CYP19A1: variants seen among roughly 807,000 people sequenced by gnomAD.
The protein encoded by CYP19A1 is cytochrome P450 family 19 subfamily A member 1, also known as aromatase.
In CYP19A1, 32 loss-of-function variants were observed where a neutral mutation model predicts 44.4. That is an observed-to-expected ratio of 0.72 (90% CI 0.54 to 0.97). The LOEUF (loss-of-function observed/expected upper bound fraction) is 0.97. Ranked by LOEUF, CYP19A1 falls within the 50% of genes least tolerant of loss-of-function variation. CYP19A1 has a pLI of 0.00. For missense variants in CYP19A1, 598 were observed against 637.8 expected (o/e 0.94, Z 0.67); for synonymous variants, 212 against 215.6 (o/e 0.98, Z 0.14).
At chr15:51,261,675 C>A (rs906886265) in intron 1 of CYP19A1, among the ~76,000 whole-genome samples, 2 of 152,158 alleles carry the variant, frequency 1.3e-5, no homozygotes, top group Admixed American at 6.5e-5. Context: ...TTGACAAGTG[C>A]TGTGGGGGTA....
intron 1 of CYP19A1, among the ~76,000 whole-genome samples, chr15:51,266,513 CCTT>C (rs2034924553): frequency 1.3e-5 from 2 of 152,366 alleles, no homozygotes; most frequent in East Asian, 1.9e-4. Context: ...TTCTGCCAGT[CCTT>C]CTTCAAACCT....
At chr15:51,248,932 T>C (rs1363894498) in intron 1 of CYP19A1, among the ~76,000 whole-genome samples, 1 of 150,132 alleles carries the variant, frequency 6.7e-6, no homozygotes, top group Non-Finnish European at 1.5e-5. Flanking sequence ...TTCAAATTCA[T>C]CTTTTTTTTT....
At chr15:51,326,489 T>C (rs2036610249) in intron 1 of CYP19A1, among the ~76,000 whole-genome samples, 1 of 152,216 alleles carries the variant, frequency 6.6e-6, no homozygotes, top group Non-Finnish European at 1.5e-5. Flanking sequence ...TGGCTCAACT[T>C]TAAGCATTAT....
chr15:51,306,668 C>T (rs966933613), intron 1 of CYP19A1, among the ~76,000 whole-genome samples: 5 of 152,100 alleles, frequency 3.3e-5, no homozygotes, highest in Non-Finnish European at 7.3e-5. Context: ...TATTAAGTAC[C>T]TATTCTGTGA....
chr15:51,227,837 G>A lies in CYP19A1; in HGVS notation c.393C>T (p.Gly131=). 1 of 1,531,260 alleles carries A rather than the reference G, an allele frequency of 6.5e-7. No individual in the cohort carries two copies. The highest frequency in any genetic ancestry group is 9.1e-7 in the Non-Finnish European group (1 of 1,104,508). 94.9% of individuals were successfully genotyped at this position (1,531,260 alleles called of 1,614,324 possible). A position where few individuals can be genotyped will look rare whatever the true frequency, so the allele number is the denominator to read the frequency against. The change falls in exon 4 of 10, where the codon GGC becomes GGT. Residue 131 remains glycine (G), a synonymous_variant. Coordinates refer to ENST00000396402, the MANE Select transcript of CYP19A1 (RefSeq NM_000103.4). The part of the protein sequence containing the change: ...GLQCIGMHEK[G]IIFNNNPELW... ...GCTCTGGATTGTTGTTAAATATGAT[G>A]CCTTTCTCATGCATACCGATGCACT...
chr15:51,248,622 T>G (rs1367938047), intron 1 of CYP19A1, among the ~76,000 whole-genome samples: 2 of 152,212 alleles, frequency 1.3e-5, no homozygotes, highest in Non-Finnish European at 2.9e-5. Flanking sequence ...CCTCTCCTTC[T>G]AGAAGGTGAA....
intron 1 of CYP19A1, among the ~76,000 whole-genome samples, chr15:51,303,017 C>T (rs998697783): frequency 6.6e-6 from 1 of 152,194 alleles, no homozygotes; most frequent in African/African-American, 2.4e-5. Context: ...CTAGTAATTT[C>T]CCTTCCCTCT....
chr15:51,248,876 A>G (rs942190172), intron 1 of CYP19A1, among the ~76,000 whole-genome samples: 16 of 151,484 alleles, frequency 1.1e-4, no homozygotes, highest in Non-Finnish European at 1.9e-4. Context: ...CATCACGTCA[A>G]TCCTCTGCTA....
chr15:51,231,682 G>A (rs1249492567), intron 3 of CYP19A1, among the ~76,000 whole-genome samples: 4 of 151,950 alleles, frequency 2.6e-5, no homozygotes, highest in East Asian at 1.9e-4. Context: ...GTCAGGTCTC[G>A]GTTAAATTCA....
At chr15:51,226,124 A>G (rs925748904) in intron 4 of CYP19A1, among the ~76,000 whole-genome samples, 7 of 145,518 alleles carry the variant, frequency 4.8e-5, no homozygotes, top group Non-Finnish European at 9.0e-5. Flanking sequence ...AAAGCAAAGA[A>G]CCTTTCCAAG....
intron 1 of CYP19A1, among the ~76,000 whole-genome samples, chr15:51,298,186 C>T (rs1328382460): frequency 6.6e-6 from 1 of 152,200 alleles, no homozygotes; most frequent in Non-Finnish European, 1.5e-5. Flanking sequence ...GGCATAAAAA[C>T]CAAATGGTCC....
intron 3 of CYP19A1, among the ~76,000 whole-genome samples, chr15:51,236,219 CT>C (rs1383991723): frequency 5.3e-5 from 8 of 152,198 alleles, no homozygotes; most frequent in Non-Finnish European, 8.8e-5. Flanking sequence ...TGAATTACTT[CT>C]TTTTCTACTG....
intron 2 of CYP19A1, among the ~76,000 whole-genome samples, chr15:51,241,275 C>G (rs10162952): frequency 0.99 from 150,993 of 152,342 alleles, 74,845 homozygotes; most frequent in Middle Eastern, 1. Context: ...TAAGCATCTG[C>G]GGGGACTTTT....
At chr15:51,224,831 C>T (rs1453395956) in intron 4 of CYP19A1, among the ~76,000 whole-genome samples, 1 of 152,230 alleles carries the variant, frequency 6.6e-6, no homozygotes, top group Admixed American at 6.5e-5. Context: ...CCCTTGGCCA[C>T]GTCCCTGAAT....
chr15:51,338,306 T>G (rs2036809867), intron 1 of CYP19A1, 189 bp downstream of exon 1: 1 of 152,190 alleles, frequency 6.6e-6, no homozygotes, highest in Non-Finnish European at 1.5e-5. Flanking sequence ...GTGTTTTCCC[T>G]CTGCTCTCAC....
intron 1 of CYP19A1, among the ~76,000 whole-genome samples, chr15:51,267,245 G>C (rs2034953463): frequency 1.3e-5 from 2 of 152,180 alleles, no homozygotes; most frequent in African/African-American, 2.4e-5. Flanking sequence ...CACTAGGCGA[G>C]GCAGGGGGTG....
At chr15:51,280,387 C>T (rs545533071) in intron 1 of CYP19A1, among the ~76,000 whole-genome samples, 3 of 151,438 alleles carry the variant, frequency 2.0e-5, no homozygotes, top group Admixed American at 6.6e-5. Context: ...TGTGAGCCAC[C>T]ACGCCCAGCC....
At chr15:51,230,977 C>T (rs947592619) in intron 3 of CYP19A1, among the ~76,000 whole-genome samples, 27 of 151,910 alleles carry the variant, frequency 1.8e-4, no homozygotes, top group African/African-American at 6.5e-4. Context: ...TCAATCCTAT[C>T]ACCTTTTCAC....
chr15:51,285,490 G>A (rs945308443), intron 1 of CYP19A1, among the ~76,000 whole-genome samples: 1 of 152,158 alleles, frequency 6.6e-6, no homozygotes, highest in African/African-American at 2.4e-5. Context: ...GAAAATGTTG[G>A]GAAAAAGCTG....
Sources: allele counts gnomAD v4.1 joint callset (sites outside exome capture counted in the v4.1 genomes callset), GRCh38; gene constraint gnomAD v4.1.1; transcripts MANE v1.5; gene names NCBI Gene and HGNC (gene_info 2026-07-23, HGNC 2026-07-21).